PRKCA: variants seen among roughly 807,000 people sequenced by gnomAD.
PRKCA encodes the protein protein kinase C alpha, also known as protein kinase C alpha type.
In PRKCA, 27 loss-of-function variants were observed where a neutral mutation model predicts 87.0. The observed-to-expected ratio is 0.31, with a 90% CI of 0.23 to 0.43. The LOEUF (loss-of-function observed/expected upper bound fraction) is 0.43. Ranked by LOEUF, PRKCA falls within the 20% of genes least tolerant of loss-of-function variation. The probability of loss-of-function intolerance (pLI) is 1.00; values close to 1 mark genes in which losing one functional copy is unlikely to be tolerated. For synonymous variants in PRKCA, 329 were observed against 311.1 expected, an observed-to-expected ratio of 1.06 and a Z score of -0.61; for missense variants, 518 against 852.3, an observed-to-expected ratio of 0.61 and a Z score of 4.88.
At position 66,803,848 on chromosome 17, in the gene PRKCA, C is replaced by T; in HGVS notation, c.1855-25C>T. The T allele has an allele frequency of 6.2e-7, 1 of 1,610,462 alleles. No individual in the cohort carries two copies. The highest frequency in any genetic ancestry group is 8.5e-7 in the Non-Finnish European group (1 of 1,177,494). On this transcript the variant is annotated intron_variant, in intron 16 of 16. Coordinates refer to ENST00000413366, the MANE Select transcript of PRKCA (RefSeq NM_002737.3). The surrounding 1 kb of genome is among the most constrained non-coding windows in gnomAD (Gnocchi z 4.4). ...CGCATTGTCATGTTGACTGACCTTT[C>T]CTTCTTTTTGTCTTTTCTCCACAGT...
chr17:66,488,177 A>T (rs1419587736), intron 2 of PRKCA, among the ~76,000 whole-genome samples: 1 of 152,122 alleles, frequency 6.6e-6, no homozygotes, highest in Non-Finnish European at 1.5e-5. Context: ...CAACCTGCCA[A>T]TTTACCCTTT....
intron 3 of PRKCA, among the ~76,000 whole-genome samples, chr17:66,588,516 G>A (rs1375558022): frequency 6.6e-6 from 1 of 151,100 alleles, no homozygotes; most frequent in South Asian, 2.1e-4. Flanking sequence ...GGGTCTATTT[G>A]TTCTGCTCCT....
At chr17:66,334,160 G>T (rs78835200) in intron 2 of PRKCA, among the ~76,000 whole-genome samples, 15,519 of 152,244 alleles carry the variant, frequency 0.1, 1,147 homozygotes, top group East Asian at 0.24. Flanking sequence ...TGAGGCAGGA[G>T]AATCGCTTGA....
chr17:66,782,436 T>G (rs114901686), intron 14 of PRKCA, among the ~76,000 whole-genome samples: 2,267 of 152,296 alleles, frequency 0.015, 50 homozygotes, highest in African/African-American at 0.047. Flanking sequence ...TTTTACCTTC[T>G]TCAGGTTCAT....
At chr17:66,396,623 T>TTG (rs1555597957) in intron 2 of PRKCA, among the ~76,000 whole-genome samples, 1 of 95,368 alleles carries the variant, frequency 1.0e-5, no homozygotes, top group South Asian at 5.3e-4. Context: ...CTGTCATTCA[T>TTG]TCTCTCTCTT....
chr17:66,714,221 C>T (rs561254658), intron 8 of PRKCA, among the ~76,000 whole-genome samples: 6 of 151,960 alleles, frequency 3.9e-5, no homozygotes, highest in African/African-American at 9.7e-5. Flanking sequence ...TGTTCCCCCC[C>T]ACCCGCTGCT....
At position 66,303,057 on chromosome 17, in the gene PRKCA, C is replaced by G. The variant is rs754992641; in HGVS notation, c.173+33C>G. 1.9e-6 allele frequency: 3 copies of G among 1,583,480 alleles called. No individual in the cohort carries two copies. In the Admixed American group the frequency reaches 5.3e-5, roughly 28 times the overall value. On this transcript the variant is annotated intron_variant, in intron 1 of 16. Coordinates refer to ENST00000413366, the MANE Select transcript of PRKCA (RefSeq NM_002737.3). ...CCGGGCCGGGCACTCCTGCCCCGCT[C>G]CTCCCCGCCTCCGGGTCCCGGCACC... is the stretch of plus-strand genomic sequence containing the variant.
At chr17:66,638,511 AG>A (rs1398722558) in intron 3 of PRKCA, 2 of 152,162 alleles carry the variant, frequency 1.3e-5, no homozygotes, top group East Asian at 3.9e-4. Context: ...TGCAGACACG[AG>A]GGGTTTACTA....
At chr17:66,518,351 C>T (rs890040030) in intron 3 of PRKCA, among the ~76,000 whole-genome samples, 2 of 152,160 alleles carry the variant, frequency 1.3e-5, no homozygotes, top group Non-Finnish European at 2.9e-5. Flanking sequence ...GAGGTATTTT[C>T]AGTCTGTGGC....
intron 2 of PRKCA, among the ~76,000 whole-genome samples, chr17:66,428,591 C>CTGT (rs1314903286): frequency 6.6e-6 from 1 of 151,720 alleles, no homozygotes; most frequent in African/African-American, 2.4e-5. Context: ...GCAACCTTCA[C>CTGT]CTCCTGGGTT....
chr17:66,694,138 T>G (rs1181675644), intron 8 of PRKCA, among the ~76,000 whole-genome samples: 1 of 152,200 alleles, frequency 6.6e-6, no homozygotes, highest in Non-Finnish European at 1.5e-5. Flanking sequence ...TCCTTCTCGA[T>G]TCAATGGTTT....
chr17:66,708,719 A>G (rs1291967880), intron 8 of PRKCA, among the ~76,000 whole-genome samples: 1 of 152,182 alleles, frequency 6.6e-6, no homozygotes, highest in African/African-American at 2.4e-5. Flanking sequence ...CCCTATGCCT[A>G]TAGATATCCA....
chr17:66,367,147 GAT>G (rs1410895915), intron 2 of PRKCA, among the ~76,000 whole-genome samples: 8 of 152,200 alleles, frequency 5.3e-5, no homozygotes, highest in Non-Finnish European at 1.5e-5. Flanking sequence ...TTAGGAGTTT[GAT>G]AAGTTTCTAA....
At chr17:66,686,734 G>A (rs1173064880) in intron 5 of PRKCA, among the ~76,000 whole-genome samples, 3 of 152,124 alleles carry the variant, frequency 2.0e-5, no homozygotes, top group Admixed American at 2.0e-4. Flanking sequence ...CAGGGAGGGT[G>A]CACCATTACT....
intron 3 of PRKCA, among the ~76,000 whole-genome samples, chr17:66,637,651 CAT>C (rs1971180975): frequency 6.6e-6 from 1 of 152,196 alleles, no homozygotes; most frequent in Non-Finnish European, 1.5e-5. Flanking sequence ...ATCATCTACA[CAT>C]AGAGGTGCTA....
chr17:66,412,668 A>G (rs1042243076), intron 2 of PRKCA: 6 of 152,106 alleles, frequency 3.9e-5, no homozygotes, highest in African/African-American at 1.4e-4. Context: ...TGAATTTCCC[A>G]AGCGCTTTTG....
intron 4 of PRKCA, 25 bp from the exon 5 acceptor site, chr17:66,645,358 C>T (rs901809250): frequency 5.0e-6 from 8 of 1,614,028 alleles, no homozygotes; most frequent in Non-Finnish European, 6.8e-6. Flanking sequence ...ATGCCCAGCT[C>T]ACCCTCTCCT....
chr17:66,789,545 A>AT (rs954085002), intron 16 of PRKCA, among the ~76,000 whole-genome samples: 5 of 151,684 alleles, frequency 3.3e-5, no homozygotes, highest in Non-Finnish European at 5.9e-5. Context: ...TTTGATTCCC[A>AT]TTTTTTTCAT....
At chr17:66,613,779 C>CTTTTTTTTTTTTTTTTT (rs57610655) in intron 3 of PRKCA, among the ~76,000 whole-genome samples, 1 of 69,386 alleles carries the variant, frequency 1.4e-5, no homozygotes. Context: ...TGACTTCATC[C>CTTTTTTTTTTTTTTTTT]TTTTTTTTTT....
Sources: gnomAD v4.1 joint callset for allele counts (sites outside exome capture counted in the v4.1 genomes callset) on GRCh38, gnomAD v4.1.1 for gene constraint, Gnocchi (gnomAD v3.1) non-coding constraint, MANE v1.5 for transcripts, NCBI Gene and HGNC (gene_info 2026-07-23, HGNC 2026-07-21) for gene names.